The following DCAF6 variants were observed in gnomAD, a reference collection of about 807,000 sequenced individuals.
DCAF6 encodes the protein DDB1 and CUL4 associated factor 6.
A neutral mutation model predicts 125.1 loss-of-function variants in DCAF6; 54 were observed. The ratio of observed to expected loss-of-function variants is 0.43; its 90% CI spans 0.35 to 0.54. DCAF6 has a LOEUF of 0.54. Among genes scored for constraint, DCAF6 ranks in the 20% least tolerant of loss-of-function variants. The pLI is 0.01. For synonymous variants in DCAF6, 371 were observed against 390.4 expected, an observed-to-expected ratio of 0.95 and a Z score of 0.58; for missense variants, 934 against 1,161.7, an observed-to-expected ratio of 0.80 and a Z score of 2.85.
chr1:168,009,415 TTTG>T (rs1285797696), intron 10 of DCAF6, among the ~76,000 whole-genome samples: 4 of 124,894 alleles, frequency 3.2e-5, no homozygotes, highest in African/African-American at 1.2e-4. Flanking sequence ...CTCTCTCTCT[TTTG>T]TTTCTTTCTG....
chr1:168,066,304 A>G, intron 19 of DCAF6, 73 bp from the exon 20 acceptor site: 1 of 907,710 alleles, frequency 1.1e-6, no homozygotes, highest in Non-Finnish European at 1.7e-6. Flanking sequence ...ATATATACAT[A>G]TATGCATAAT....
the DCAF6 span, among the ~76,000 whole-genome samples, chr1:167,866,433 A>G: frequency 6.6e-6 from 1 of 152,032 alleles, no homozygotes; most frequent in Non-Finnish European, 1.5e-5. Context: ...ATCTATTACA[A>G]ACAACAGCAA....
intron 12 of DCAF6, among the ~76,000 whole-genome samples, chr1:168,026,514 A>T (rs958200385): frequency 2.6e-5 from 4 of 152,172 alleles, no homozygotes; most frequent in African/African-American, 7.2e-5. Context: ...ACCTAAGGCA[A>T]TAGTGGTGAG....
intron 2 of DCAF6, among the ~76,000 whole-genome samples, chr1:167,965,587 C>T (rs1456508409): frequency 6.6e-6 from 1 of 152,084 alleles, no homozygotes; most frequent in Non-Finnish European, 1.5e-5. Context: ...ATCACAAAAA[C>T]ACCCTCTGCA....
At chr1:168,043,680 G>C (rs1305925517) in intron 14 of DCAF6, among the ~76,000 whole-genome samples, 1 of 152,046 alleles carries the variant, frequency 6.6e-6, no homozygotes, top group Non-Finnish European at 1.5e-5. Flanking sequence ...ATTAATGAAG[G>C]AATAAATGAA....
chr1:167,885,600 C>T, the DCAF6 span, among the ~76,000 whole-genome samples: 2 of 152,018 alleles, frequency 1.3e-5, no homozygotes, highest in Non-Finnish European at 2.9e-5. Flanking sequence ...TGTATGTCTT[C>T]CTTTGAGAAA....
At chr1:167,983,821 A>G (rs966909814) in intron 4 of DCAF6, among the ~76,000 whole-genome samples, 1 of 152,118 alleles carries the variant, frequency 6.6e-6, no homozygotes, top group Non-Finnish European at 1.5e-5. Flanking sequence ...ATTGCTGTTG[A>G]TTATTTTTGA....
chr1:167,913,655 A>G, the DCAF6 span, among the ~76,000 whole-genome samples: 1 of 150,898 alleles, frequency 6.6e-6, no homozygotes, highest in Non-Finnish European at 1.5e-5. Context: ...ACCTTGCCAG[A>G]GCCCCCTTCA....
chr1:167,880,160 C>T, the DCAF6 span: 1 of 1,613,486 alleles, frequency 6.2e-7, no homozygotes, highest in Non-Finnish European at 8.5e-7. Flanking sequence ...CCACAGAAGA[C>T]AATCCCACTG....
chr1:167,966,739 A>G lies in DCAF6; in HGVS notation c.252+18A>G, dbSNP rs776531024. 1 of 1,451,622 alleles carries G rather than the reference A, an allele frequency of 6.9e-7. No homozygotes were observed. The highest frequency in any genetic ancestry group is 1.9e-5 in the Admixed American group (1 of 52,420). 89.9% of individuals were successfully genotyped at this position (1,451,622 alleles called of 1,614,324 possible). Reference sequence around the variant, plus strand: ...GCAGAAAGGTAAAGTAGTTTAAAAAATCTGTAATTTAATGAGAGAAAAAAA... The same window carrying G: ...GCAGAAAGGTAAAGTAGTTTAAAAAGTCTGTAATTTAATGAGAGAAAAAAA... On this transcript the variant is annotated intron_variant, in intron 3 of 21. Transcript: ENST00000367840.
the DCAF6 span, among the ~76,000 whole-genome samples, chr1:167,885,451 G>A: frequency 1.3e-5 from 2 of 152,244 alleles, no homozygotes; most frequent in African/African-American, 2.4e-5. Context: ...TCCAGCGTTT[G>A]TTATTGCCTG....
chr1:167,971,016 A>G lies in DCAF6; in HGVS notation c.253-3814A>G, dbSNP rs1571730574. Among the ~76,000 whole-genome samples the G allele has an allele frequency of 5.3e-5, 8 of 152,288 alleles. 3 individuals are homozygous for G. Among genetic ancestry groups the G allele is most frequent in the Admixed American group, 5.2e-4 (8 of 15,304 alleles). ...TTTGTAAAATAAATTCCAAATATAT[A>G]CTGTATACATGATTTTTCTTGATTT... On this transcript the variant is annotated intron_variant, in intron 3 of 21. Transcript: ENST00000367840.
chr1:168,048,389 T>C (rs2101827952), intron 16 of DCAF6, among the ~76,000 whole-genome samples: 1 of 152,358 alleles, frequency 6.6e-6, no homozygotes, highest in African/African-American at 2.4e-5. Context: ...CCTCATCAGT[T>C]TTTGTTCCAA....
At chr1:167,924,583 T>C in the DCAF6 span, 1 of 1,376,098 alleles carries the variant, frequency 7.3e-7, no homozygotes, top group East Asian at 2.5e-5. Context: ...ACCAAATATA[T>C]TATACACGTC....
intron 3 of DCAF6, among the ~76,000 whole-genome samples, chr1:167,968,880 G>A (rs922534614): frequency 1.3e-5 from 2 of 152,198 alleles, no homozygotes; most frequent in Non-Finnish European, 2.9e-5. Context: ...GAACTGAGAG[G>A]AAATAATTTG....
At chr1:167,924,539 TG>T in the DCAF6 span, 2 of 1,532,306 alleles carry the variant, frequency 1.3e-6, no homozygotes, top group Non-Finnish European at 1.7e-6. Flanking sequence ...TTCTGGGACC[TG>T]AAAAAAAAAA....
chr1:167,883,457 T>C, the DCAF6 span: 13 of 1,614,240 alleles, frequency 8.1e-6, no homozygotes, highest in Non-Finnish European at 1.1e-5. Flanking sequence ...ATGAAGACTT[T>C]ATTGATTTGG....
At chr1:167,889,339 T>G in the DCAF6 span, among the ~76,000 whole-genome samples, 1 of 152,304 alleles carries the variant, frequency 6.6e-6, no homozygotes, top group South Asian at 2.1e-4. Context: ...GATAATATGG[T>G]TTTTGTCCTT....
the DCAF6 span, among the ~76,000 whole-genome samples, chr1:167,905,753 T>G: frequency 6.6e-6 from 1 of 152,094 alleles, no homozygotes; most frequent in Non-Finnish European, 1.5e-5. Flanking sequence ...TGTGTGTGTG[T>G]GTGTGTGTGG....
Sources: gnomAD v4.1 joint callset for allele counts (sites outside exome capture counted in the v4.1 genomes callset) on GRCh38, gnomAD v4.1.1 for gene constraint, MANE v1.5 for transcripts, NCBI Gene and HGNC (gene_info 2026-07-23, HGNC 2026-07-21) for gene names.